TM2D3: variants seen among roughly 807,000 people sequenced by gnomAD.
The protein encoded by TM2D3 is TM2 domain-containing protein 3.
Under a neutral mutation model 27.3 loss-of-function variants are expected in TM2D3, and 33 were observed. That is an observed-to-expected ratio of 1.21 (90% CI 0.92 to 1.61). The LOEUF (loss-of-function observed/expected upper bound fraction) is 1.61, where lower values mean the gene tolerates loss of function less well. Among genes scored for constraint, TM2D3 ranks in the 40% most tolerant of loss-of-function variants. The pLI, the probability that TM2D3 is intolerant of heterozygous loss-of-function variation, is 0.00. For synonymous variants in TM2D3, 138 were observed against 122.2 expected (o/e 1.13, Z -0.85); for missense variants, 364 against 320.8 (o/e 1.13, Z -1.03).
intron 5 of TM2D3, among the ~76,000 whole-genome samples, chr15:101,642,942 C>T (rs1017167061): frequency 1.3e-5 from 2 of 152,144 alleles, no homozygotes; most frequent in Non-Finnish European, 2.9e-5. Context: ...AAGACCCAGT[C>T]TAACAGGAAG....
chr15:101,642,606 A>T lies in TM2D3; in HGVS notation c.617T>A (p.Leu206Gln). 6.2e-7 allele frequency: 1 copy of T among 1,613,312 alleles called. No homozygotes were observed. The highest frequency in any genetic ancestry group is 8.5e-7 in the Non-Finnish European group (1 of 1,179,726). ...GCCGAGGCCTTCCCGCCACTGGCCC[A>T]GGTAGAAACGGTCTGCTCCAAACCC... ...LGGFGADRFYLGQWREGLGKL... is the reference protein window; with the variant it reads ...LGGFGADRFYQGQWREGLGKL... The change falls in exon 6 of 6, where the codon CTG becomes CAG. Residue 206 changes from leucine (L) to glutamine (Q), a missense_variant. Transcript: ENST00000333202.
At position 101,650,138 on chromosome 15, in the gene TM2D3, C is replaced by T. The variant is rs1567314087; in HGVS notation, c.193G>A (p.Val65Met). The T allele has an allele frequency of 6.2e-7, 1 of 1,613,812 alleles. No individual in the cohort carries two copies. The highest frequency in any genetic ancestry group is 1.3e-5 in the African/African-American group (1 of 75,032). ...AAACCATTGCTCGGACACTTCATCA[C>T]ATAAGGTGGGATTTCAGTACTTTCT... The part of the protein sequence containing the change: ...AAESTEIPPY[V>M]MKCPSNGLCS... The change falls in exon 3 of 6, where the codon GTG (valine) becomes ATG (methionine). Residue 65 changes from valine to methionine, a missense_variant. Physicochemically the swap from Val to Met is conservative, Grantham distance 21. Coordinates refer to ENST00000333202, the MANE Select transcript of TM2D3 (RefSeq NM_078474.3).
chr15:101,643,494 C>T (rs957498294), intron 5 of TM2D3, among the ~76,000 whole-genome samples: 8 of 148,616 alleles, frequency 5.4e-5, no homozygotes, highest in Non-Finnish European at 1.0e-4. Flanking sequence ...CCCAGCTGCT[C>T]GGGAGGCTGA....
At chr15:101,643,638 A>T (rs1046043095) in intron 5 of TM2D3, among the ~76,000 whole-genome samples, 1 of 150,020 alleles carries the variant, frequency 6.7e-6, no homozygotes, top group Non-Finnish European at 1.5e-5. Flanking sequence ...AAAAAAAAAA[A>T]ACCATGTTGA....
intron 3 of TM2D3, chr15:101,648,250 A>G (rs1302411258): frequency 6.6e-6 from 1 of 152,198 alleles, no homozygotes; most frequent in African/African-American, 2.4e-5. Context: ...TTTTTGCAGA[A>G]GAGCCATCCT....
rs1448743954 is a variant in TM2D3, at chr15:101,651,951, G to C, written c.92-178C>G. 7 of 647,234 alleles carry C rather than the reference G, an allele frequency of 1.1e-5. 1 individual carries two copies. Among genetic ancestry groups the C allele is most frequent in the Non-Finnish European group, 1.9e-5 (7 of 370,662 alleles). 40.1% of individuals were successfully genotyped at this position (647,234 alleles called of 1,614,324 possible). Reference sequence around the variant, plus strand: ...CGAAACGTCAACAGAGTAGACATCAGTTCAGGTCAGCCGGCAACGAGGGAC... The same window carrying C: ...CGAAACGTCAACAGAGTAGACATCACTTCAGGTCAGCCGGCAACGAGGGAC... On this transcript the variant is annotated intron_variant, in intron 1 of 5. Transcript: ENST00000333202.
intron 4 of TM2D3, chr15:101,636,654 C>T (rs114170104): frequency 5.6e-6 from 1 of 178,270 alleles, no homozygotes; most frequent in African/African-American, 2.4e-5. Flanking sequence ...ACAACTTTCA[C>T]AACATATCTC....
At chr15:101,645,018 T>C in intron 5 of TM2D3, 69 bp downstream of exon 5, 1 of 1,339,978 alleles carries the variant, frequency 7.5e-7, no homozygotes, top group South Asian at 1.2e-5. Flanking sequence ...CTGAGCTCAA[T>C]GTCTGAAGAT....
chr15:101,644,983 G>T (rs1167380562), intron 5 of TM2D3, 104 bp downstream of exon 5: 4 of 978,038 alleles, frequency 4.1e-6, no homozygotes, highest in East Asian at 2.5e-5. Flanking sequence ...ACACGTGGTA[G>T]GATCTGAGTG....
At chr15:101,648,366 TG>T (rs1381391468) in intron 3 of TM2D3, 1 of 152,250 alleles carries the variant, frequency 6.6e-6, no homozygotes, top group Non-Finnish European at 1.5e-5. Flanking sequence ...CATTCAAATA[TG>T]GGTAAGGCAT....
chr15:101,636,011 A>T (rs574190227), intron 4 of TM2D3: 1 of 152,168 alleles, frequency 6.6e-6, no homozygotes, highest in South Asian at 2.1e-4. Flanking sequence ...ATATGCTGTA[A>T]AGGTTACCAG....
downstream of TM2D3, among the ~76,000 whole-genome samples, chr15:101,641,384 T>A (rs112392950): frequency 3.0e-4 from 46 of 152,124 alleles, 1 homozygote; most frequent in Non-Finnish European, 1.2e-4. Context: ...GTCACTCAAC[T>A]AAGAAAAGGA....
intron 4 of TM2D3, chr15:101,635,895 C>T (rs1369301690): frequency 6.6e-6 from 1 of 152,048 alleles, no homozygotes; most frequent in African/African-American, 2.4e-5. Flanking sequence ...GTGTTTCTTC[C>T]TGTCTTTCCT....
At chr15:101,641,319 G>A (rs1896663037), downstream of TM2D3, among the ~76,000 whole-genome samples, 1 of 152,036 alleles carries the variant, frequency 6.6e-6, no homozygotes, top group Non-Finnish European at 1.5e-5. Flanking sequence ...TCTGGAACTA[G>A]AATGGGGAAG....
chr15:101,645,330 T>C (rs532600131), intron 4 of TM2D3, 168 bp from the exon 5 acceptor site: 42 of 612,296 alleles, frequency 6.9e-5, no homozygotes, highest in East Asian at 2.5e-4. Context: ...TACATAGATG[T>C]AATATTTAAA....
chr15:101,648,148 C>G (rs949304303), intron 3 of TM2D3: 3 of 152,282 alleles, frequency 2.0e-5, no homozygotes, highest in Non-Finnish European at 4.4e-5. Context: ...TCACCTGCCT[C>G]GGCCTGCCAA....
Position 101,642,335 on chromosome 15 carries a change from TC to T in TM2D3, c.*143del. The T allele has an allele frequency of 7.5e-7, 1 of 1,334,094 alleles. No individual in the cohort carries two copies. Among genetic ancestry groups the T allele is most frequent in the Non-Finnish European group, 9.6e-7 (1 of 1,039,592 alleles). The allele number at this position is 1,334,094 out of a possible 1,614,324, so 82.6% of individuals were successfully genotyped here. A position where few individuals can be genotyped will look rare whatever the true frequency, so the allele number is the denominator to read the frequency against. On this transcript the variant is annotated 3_prime_UTR_variant, in exon 6 of 6. Transcript: ENST00000333202. ...TTCCAGATTAGCATAGTTCAGCGTT[TC>T]ATTTATCTTACCTTTATCAAGGCAA...
At chr15:101,633,503 G>A in exon 5 of TM2D3, 1 of 495,140 alleles carries the variant, frequency 2.0e-6, no homozygotes, top group Non-Finnish European at 3.6e-6. Context: ...GATCCCGAAG[G>A]ACACCCACAG....
downstream of TM2D3, among the ~76,000 whole-genome samples, chr15:101,640,140 T>C (rs564142094): frequency 6.2e-4 from 94 of 152,292 alleles, no homozygotes; most frequent in African/African-American, 2.2e-3. Flanking sequence ...TCAGAGCCCA[T>C]AGCTCACACA....
Sources: allele counts gnomAD v4.1 joint callset (sites outside exome capture counted in the v4.1 genomes callset), GRCh38; gene constraint gnomAD v4.1.1; transcripts MANE v1.5; gene names NCBI Gene and HGNC (gene_info 2026-07-23, HGNC 2026-07-21).